Variants in DNAAF11 observed in about 807,000 individuals in gnomAD.
The protein encoded by DNAAF11 is leucine rich repeat containing 6.
DNAAF11 carries 45 observed loss-of-function variants against 60.8 expected under a neutral mutation model. The observed-to-expected ratio is 0.74, with a 90% CI of 0.58 to 0.95. The LOEUF (loss-of-function observed/expected upper bound fraction) is 0.95, where lower values mean the gene tolerates loss of function less well. Among genes scored for constraint, DNAAF11 ranks in the 40% least tolerant of loss-of-function variants. The pLI is 0.00. For missense variants in DNAAF11, 546 were observed against 546.2 expected (o/e 1.00, Z 0.00); for synonymous variants, 191 against 183.5 (o/e 1.04, Z -0.33).
At chr8:132,691,100 T>C in the DNAAF11 span, among the ~76,000 whole-genome samples, 3 of 152,180 alleles carry the variant, frequency 2.0e-5, no homozygotes, top group African/African-American at 7.2e-5. Flanking sequence ...CTCCTCAGTG[T>C]GTAGTATCTG....
At chr8:132,682,179 C>T in the DNAAF11 span, among the ~76,000 whole-genome samples, 1 of 152,200 alleles carries the variant, frequency 6.6e-6, no homozygotes, top group Non-Finnish European at 1.5e-5. Flanking sequence ...GGAAGAAACA[C>T]TAAGTCATCT....
chr8:132,609,021 C>T (rs1341442762), intron 10 of DNAAF11, among the ~76,000 whole-genome samples: 1 of 152,174 alleles, frequency 6.6e-6, no homozygotes, highest in Non-Finnish European at 1.5e-5. Context: ...TCTTTTTCCT[C>T]ATCAGCAGAA....
chr8:132,631,651 G>T (rs1480598255), intron 5 of DNAAF11, among the ~76,000 whole-genome samples: 1 of 152,164 alleles, frequency 6.6e-6, no homozygotes, highest in Non-Finnish European at 1.5e-5. Flanking sequence ...ACGCCACTGG[G>T]ATGAAGAGAG....
intron 10 of DNAAF11, among the ~76,000 whole-genome samples, chr8:132,600,537 T>C (rs1206985797): frequency 5.3e-5 from 8 of 152,076 alleles, no homozygotes; most frequent in Non-Finnish European, 7.4e-5. Flanking sequence ...TACAAGGCTA[T>C]AGTAACCAAA....
the DNAAF11 span, among the ~76,000 whole-genome samples, chr8:132,687,090 A>G: frequency 6.6e-6 from 1 of 152,250 alleles, no homozygotes. Context: ...TGAATGAATA[A>G]TTAAATAAAA....
chr8:132,700,746 T>A, the DNAAF11 span, among the ~76,000 whole-genome samples: 1 of 152,132 alleles, frequency 6.6e-6, no homozygotes, highest in Non-Finnish European at 1.5e-5. Flanking sequence ...GTCTTATACA[T>A]CCATCGTCCC....
intron 3 of DNAAF11, among the ~76,000 whole-genome samples, chr8:132,642,874 G>T (rs1325260632): frequency 6.6e-6 from 1 of 152,224 alleles, no homozygotes; most frequent in Non-Finnish European, 1.5e-5. Context: ...TTCTCTGAAC[G>T]GATATGTTAG....
At chr8:132,676,337 G>T (rs959612093), upstream of DNAAF11, among the ~76,000 whole-genome samples, 1 of 152,246 alleles carries the variant, frequency 6.6e-6, no homozygotes, top group South Asian at 2.1e-4. Context: ...TTCACCCTCA[G>T]ATCTTAGTGT....
chr8:132,622,539 T>C, intron 7 of DNAAF11, 72 bp downstream of exon 7: 1 of 1,129,720 alleles, frequency 8.9e-7, no homozygotes, highest in Non-Finnish European at 1.3e-6. Context: ...AAACCTGGAA[T>C]TGAAACAATG....
chr8:132,613,987 A>G (rs1292110101), intron 8 of DNAAF11, among the ~76,000 whole-genome samples: 1 of 152,156 alleles, frequency 6.6e-6, no homozygotes, highest in African/African-American at 2.4e-5. Flanking sequence ...TCATTCATTC[A>G]TTCTTGTGTT....
At chr8:132,700,269 A>G in the DNAAF11 span, among the ~76,000 whole-genome samples, 1 of 152,136 alleles carries the variant, frequency 6.6e-6, no homozygotes, top group Non-Finnish European at 1.5e-5. Flanking sequence ...TCCTTGACAG[A>G]CCCAGTCAAC....
chr8:132,682,127 A>T, the DNAAF11 span, among the ~76,000 whole-genome samples: 1 of 152,338 alleles, frequency 6.6e-6, no homozygotes, highest in Admixed American at 6.5e-5. Flanking sequence ...CTTCCCTTGA[A>T]TCTGGATGTG....
chr8:132,668,453 C>CTTTTT (rs112141008), intron 1 of DNAAF11, among the ~76,000 whole-genome samples: 1 of 147,688 alleles, frequency 6.8e-6, no homozygotes, highest in African/African-American at 2.5e-5. Flanking sequence ...TGAGCTGAAT[C>CTTTTT]TTTTTTTTTT....
At chr8:132,645,591 T>C (rs1822298136) in intron 3 of DNAAF11, among the ~76,000 whole-genome samples, 1 of 151,964 alleles carries the variant, frequency 6.6e-6, no homozygotes, top group Non-Finnish European at 1.5e-5. Flanking sequence ...GCTAAAAACC[T>C]TGAAAAAAAA....
At chr8:132,674,187 G>GAGGAAGAGA (rs1478819401) in intron 1 of DNAAF11, among the ~76,000 whole-genome samples, 4 of 144,064 alleles carry the variant, frequency 2.8e-5, no homozygotes, top group African/African-American at 8.1e-5. Flanking sequence ...GGAGAAGGAG[G>GAGGAAGAGA]AGGAGGAGAA....
chr8:132,628,442 C>T (rs973560992), intron 5 of DNAAF11, among the ~76,000 whole-genome samples: 8 of 151,984 alleles, frequency 5.3e-5, no homozygotes, highest in African/African-American at 1.9e-4. Flanking sequence ...CAAATCCTTG[C>T]CATGTGAAGT....
rs140606734 is a variant in DNAAF11 at position 132,597,360 on chromosome 8, G to A, written c.1140+12806C>T. Among the ~76,000 whole-genome samples the A allele has an allele frequency of 8.6e-3, 1,305 of 152,050 alleles. 10 individuals are homozygous for A. Among genetic ancestry groups the A allele is most frequent in the Middle Eastern group, 0.02 (6 of 294 alleles). On this transcript the variant is annotated intron_variant, in intron 10 of 11. Transcript: ENST00000620350. ...CCCTCATACCTAGGAGCCTCACCTC[G>A]CAACGGGAGGCCTGTGAGTTTCCAG...
chr8:132,586,126 T>A (rs1046935567), intron 10 of DNAAF11, among the ~76,000 whole-genome samples: 2 of 152,184 alleles, frequency 1.3e-5, no homozygotes, highest in African/African-American at 4.8e-5. Context: ...TCCCTAGATT[T>A]AGAGAAGGAG....
chr8:132,631,427 A>G (rs1395947615), intron 5 of DNAAF11, among the ~76,000 whole-genome samples: 1 of 152,242 alleles, frequency 6.6e-6, no homozygotes, highest in Non-Finnish European at 1.5e-5. Flanking sequence ...ATATTATTCT[A>G]TACTTACAAT....
Sources: allele counts gnomAD v4.1 joint callset (sites outside exome capture counted in the v4.1 genomes callset), GRCh38; gene constraint gnomAD v4.1.1; transcripts MANE v1.5; gene names NCBI Gene and HGNC (gene_info 2026-07-23, HGNC 2026-07-21).